The following SEC63 variants were observed in gnomAD, a reference collection of about 807,000 sequenced individuals.
SEC63 encodes the protein SEC63 protein translocation regulator.
In SEC63, 56 loss-of-function variants were observed where a neutral mutation model predicts 116.2. That is an observed-to-expected ratio of 0.48 (90% CI 0.39 to 0.60). The LOEUF is 0.60. Among genes scored for constraint, SEC63 ranks in the 20% least tolerant of loss-of-function variants. The pLI is 0.00. For missense variants in SEC63, 668 were observed against 900.0 expected (o/e 0.74, Z 3.30); for synonymous variants, 273 against 294.6 (o/e 0.93, Z 0.75).
chr6:107,933,850 G>A (rs1011869698), intron 1 of SEC63, among the ~76,000 whole-genome samples: 1 of 152,196 alleles, frequency 6.6e-6, no homozygotes, highest in African/African-American at 2.4e-5. Flanking sequence ...CCTGCCGAGT[G>A]CCTGCGATTG....
At chr6:107,873,553 T>C (rs1786184144) in intron 19 of SEC63, among the ~76,000 whole-genome samples, 1 of 151,972 alleles carries the variant, frequency 6.6e-6, no homozygotes, top group Non-Finnish European at 1.5e-5. Flanking sequence ...TTAAAAAAAC[T>C]AGAAAAAATC....
At chr6:107,909,580 A>C (rs977372321) in intron 7 of SEC63, among the ~76,000 whole-genome samples, 1 of 152,172 alleles carries the variant, frequency 6.6e-6, no homozygotes, top group Non-Finnish European at 1.5e-5. Context: ...AAGTCACTGC[A>C]TATATATAAT....
intron 4 of SEC63, among the ~76,000 whole-genome samples, chr6:107,914,071 A>T (rs1209944304): frequency 6.6e-6 from 1 of 152,186 alleles, no homozygotes; most frequent in African/African-American, 2.4e-5. Flanking sequence ...TGTGAAAGTT[A>T]AAGAGTAATT....
intron 2 of SEC63, among the ~76,000 whole-genome samples, chr6:107,928,410 C>T (rs1205068522): frequency 1.3e-5 from 2 of 151,598 alleles, no homozygotes; most frequent in Non-Finnish European, 2.9e-5. Context: ...GATGCCTGAG[C>T]CCAAGGAGGC....
chr6:107,912,842 A>T, intron 5 of SEC63, 68 bp from the exon 6 acceptor site: 1 of 1,140,596 alleles, frequency 8.8e-7, no homozygotes, highest in Non-Finnish European at 1.3e-6. Context: ...CATTAAATAT[A>T]TTTGGGATCT....
chr6:107,880,219 T>C (rs1786380726), intron 18 of SEC63, among the ~76,000 whole-genome samples: 1 of 152,224 alleles, frequency 6.6e-6, no homozygotes, highest in African/African-American at 2.4e-5. Context: ...CATTTATTAC[T>C]AAGAGAGCCA....
At chr6:107,876,538 C>A (rs758630090) in intron 19 of SEC63, 26 bp downstream of exon 19, 17 of 1,377,264 alleles carry the variant, frequency 1.2e-5, no homozygotes. Context: ...TTGTTAAACA[C>A]TGAAATCATG....
At chr6:107,947,751 A>G (rs946541135) in intron 1 of SEC63, among the ~76,000 whole-genome samples, 1 of 152,176 alleles carries the variant, frequency 6.6e-6, no homozygotes, top group Non-Finnish European at 1.5e-5. Flanking sequence ...AAACAGTCCA[A>G]GCTTTCTTAG....
At chr6:107,944,473 A>G in intron 1 of SEC63, among the ~76,000 whole-genome samples, 1 of 152,090 alleles carries the variant, frequency 6.6e-6, no homozygotes, top group East Asian at 1.9e-4. Flanking sequence ...CGAGGTGGGC[A>G]CATCACTTGA....
Position 107,876,582 on chromosome 6 carries a change from C to T in SEC63, c.2016G>A (p.Thr672=), listed in dbSNP as rs150870079. 185 of 1,595,642 alleles carry T rather than the reference C, an allele frequency of 1.2e-4. No individual in the cohort carries two copies. Among genetic ancestry groups the T allele is most frequent in the Admixed American group, 2.2e-4 (13 of 59,188 alleles). The change falls in exon 19 of 21, where the codon ACG becomes ACA. Residue 672 remains threonine (T), a synonymous_variant. Coordinates refer to ENST00000369002, the MANE Select transcript of SEC63 (RefSeq NM_007214.5). ...TLISMPYHVC[T]LKDTEEVELK... Reference sequence around the variant, plus strand: ...TAGTTACCTCCTCTGTATCTTTCAGCGTACACACATGATATGGCATGGATA... The same window carrying T: ...TAGTTACCTCCTCTGTATCTTTCAGTGTACACACATGATATGGCATGGATA...
intron 9 of SEC63, 23 bp downstream of exon 9, chr6:107,906,660 G>A: frequency 6.2e-7 from 1 of 1,608,022 alleles, no homozygotes; most frequent in South Asian, 1.1e-5. Flanking sequence ...TGCTCATCGG[G>A]GGATTTGGGA....
chr6:107,941,881 A>C (rs1770383867), intron 1 of SEC63, among the ~76,000 whole-genome samples: 1 of 152,218 alleles, frequency 6.6e-6, no homozygotes, highest in Admixed American at 6.5e-5. Context: ...GAAAAACGGG[A>C]CACATAAAAG....
At position 107,909,011 on chromosome 6, in the gene SEC63, G is replaced by C; in HGVS notation, c.649C>G (p.Arg217Gly). Residue 217 changes from arginine (R) to glycine (G), a missense_variant, in exon 8 of 21, where the codon CGC (arginine) becomes GGC (glycine). Physicochemically the swap from Arg to Gly is moderately radical, Grantham distance 125 (BLOSUM62 -2). Transcript: ENST00000369002. ...ATTAGAATCTGGTCTCCACTATAGCGTATTGAGCGATACCACCAAGAGCCC... is the reference window on the plus strand; with the variant it reads ...ATTAGAATCTGGTCTCCACTATAGCCTATTGAGCGATACCACCAAGAGCCC... ...VVGSWWYRSI[R>G]YSGDQILIRT... 6.2e-7 allele frequency: 1 copy of C among 1,611,858 alleles called. No individual in the cohort carries two copies. The highest frequency in any genetic ancestry group is 1.1e-5 in the South Asian group (1 of 90,982).
At chr6:107,957,590 A>G in intron 1 of SEC63, 1 of 231,640 alleles carries the variant, frequency 4.3e-6, no homozygotes, top group Non-Finnish European at 8.3e-6. Context: ...AAAATCCCCA[A>G]TAAAAGCAAA....
intron 18 of SEC63, 41 bp downstream of exon 18, chr6:107,881,108 G>A (rs753027223): frequency 1.5e-6 from 2 of 1,364,410 alleles, no homozygotes; most frequent in Admixed American, 1.7e-5. Flanking sequence ...TGAGGAGAAA[G>A]TGAATGGAAT....
chr6:107,951,129 A>T (rs1054743759), intron 1 of SEC63, among the ~76,000 whole-genome samples: 2 of 152,252 alleles, frequency 1.3e-5, no homozygotes, highest in African/African-American at 4.8e-5. Flanking sequence ...AAACATTAAC[A>T]ATTACAAGAA....
At position 107,906,530 on chromosome 6, in the gene SEC63, A is replaced by T; in HGVS notation, c.879T>A (p.Leu293=). The change falls in exon 10 of 21, where the codon CTT becomes CTA. Residue 293 remains leucine (L), a synonymous_variant. Coordinates refer to ENST00000369002, the MANE Select transcript of SEC63 (RefSeq NM_007214.5). ...TGGCCTTCAGGCTATATGGGCAGGT[A>T]AGTGGAGGCTCATTCTTCTTTAAAT... ...SINLKKNEPP[L]TCPYSLKARV... is the part of the protein sequence containing the mutation. The T allele has an allele frequency of 6.2e-7, 1 of 1,613,456 alleles. No homozygotes were observed. Among genetic ancestry groups the T allele is most frequent in the Non-Finnish European group, 8.5e-7 (1 of 1,179,384 alleles).
chr6:107,921,175 A>C (rs1442727003), intron 4 of SEC63, among the ~76,000 whole-genome samples: 1 of 152,152 alleles, frequency 6.6e-6, no homozygotes, highest in Non-Finnish European at 1.5e-5. Flanking sequence ...CATTGCCAAA[A>C]CAAGAGAAAC....
intron 19 of SEC63, among the ~76,000 whole-genome samples, chr6:107,874,807 G>A (rs930854027): frequency 1.3e-5 from 2 of 151,898 alleles, no homozygotes; most frequent in Admixed American, 1.3e-4. Flanking sequence ...TCCTGAGTTA[G>A]GCTGGGACTA....
Sources: gnomAD v4.1 joint callset for allele counts (sites outside exome capture counted in the v4.1 genomes callset) on GRCh38, gnomAD v4.1.1 for gene constraint, MANE v1.5 for transcripts, NCBI Gene and HGNC (gene_info 2026-07-23, HGNC 2026-07-21) for gene names.